The following CDC14B variants were observed in gnomAD, a reference collection of about 807,000 sequenced individuals.
CDC14B encodes cell division cycle 14B, also known as dual specificity protein phosphatase CDC14B.
Under a neutral mutation model 64.2 loss-of-function variants are expected in CDC14B, and 22 were observed. That is an observed-to-expected ratio of 0.34 (90% CI 0.24 to 0.49). The LOEUF is 0.49. Ranked by LOEUF, CDC14B falls within the 20% of genes least tolerant of loss-of-function variation. The pLI, the probability that CDC14B is intolerant of heterozygous loss-of-function variation, is 0.99. For missense variants in CDC14B, 498 were observed against 629.9 expected (o/e 0.79, Z 2.24); for synonymous variants, 191 against 215.8 (o/e 0.89, Z 1.01).
intron 6 of CDC14B, among the ~76,000 whole-genome samples, chr9:96,540,426 A>C (rs1194493377): frequency 6.6e-6 from 1 of 152,128 alleles, no homozygotes; most frequent in Non-Finnish European, 1.5e-5. Context: ...TGAGCTCAGG[A>C]GTTTGAGACC....
At chr9:96,491,093 TG>T (rs1833088071) in exon 14 of CDC14B, 1 of 152,296 alleles carries the variant, frequency 6.6e-6, no homozygotes, top group Non-Finnish European at 1.5e-5. Flanking sequence ...GGGGAGGAAG[TG>T]GGCCTAGGAG....
At position 96,523,571 on chromosome 9, in the gene CDC14B, G is replaced by A. The variant is rs1334312244; in HGVS notation, c.1085+16C>T. On this transcript the variant is annotated intron_variant, in intron 10 of 13. Coordinates refer to ENST00000375241, the MANE Select transcript of CDC14B (RefSeq NM_033331.4). ...CACATGTTCCCTGGGAACTACAGAC[G>A]TAGGCTACTACTTACATCACCAAAA... 16 of 1,613,902 alleles carry A rather than the reference G, an allele frequency of 9.9e-6. No homozygotes were observed. Among genetic ancestry groups the A allele is most frequent in the South Asian group, 1.1e-5 (1 of 91,070 alleles).
At chr9:96,535,423 G>A (rs1839146974) in intron 7 of CDC14B, among the ~76,000 whole-genome samples, 1 of 152,150 alleles carries the variant, frequency 6.6e-6, no homozygotes, top group South Asian at 2.1e-4. Context: ...AATATAAACT[G>A]ATATGTAAGA....
intron 1 of CDC14B, among the ~76,000 whole-genome samples, chr9:96,596,951 G>A (rs1338451773): frequency 6.6e-6 from 1 of 151,912 alleles, no homozygotes; most frequent in Admixed American, 6.6e-5. Flanking sequence ...GGAGAAGGAG[G>A]CAGAAAAAAT....
At chr9:96,594,258 T>C (rs140416461) in intron 1 of CDC14B, among the ~76,000 whole-genome samples, 72 of 152,114 alleles carry the variant, frequency 4.7e-4, no homozygotes, top group African/African-American at 1.6e-3. Context: ...ATTAACGACA[T>C]GGAGCTGAGT....
chr9:96,580,954 C>T (rs1170295341), intron 1 of CDC14B, among the ~76,000 whole-genome samples: 3 of 152,016 alleles, frequency 2.0e-5, no homozygotes, highest in East Asian at 3.9e-4. Context: ...GATTTAAGCT[C>T]GGTGCGGTGG....
chr9:96,615,639 G>A (rs1460053146), intron 1 of CDC14B, among the ~76,000 whole-genome samples: 1 of 152,230 alleles, frequency 6.6e-6, no homozygotes, highest in Non-Finnish European at 1.5e-5. Flanking sequence ...TTGGTGCATT[G>A]CTTGTGGGAA....
chr9:96,523,162 G>A (rs1002174264), intron 11 of CDC14B, 99 bp downstream of exon 11: 11 of 1,267,896 alleles, frequency 8.7e-6, no homozygotes, highest in Non-Finnish European at 1.2e-5. Flanking sequence ...TCATCCAAGA[G>A]CTGCTTTATT....
At chr9:96,611,564 G>C (rs1007132359) in intron 1 of CDC14B, among the ~76,000 whole-genome samples, 6 of 152,188 alleles carry the variant, frequency 3.9e-5, no homozygotes, top group Non-Finnish European at 7.3e-5. Context: ...CAGTAGCTAA[G>C]ATGGGAAGGA....
At chr9:96,577,048 T>A (rs140826813) in intron 1 of CDC14B, among the ~76,000 whole-genome samples, 1 of 151,860 alleles carries the variant, frequency 6.6e-6, no homozygotes, top group Non-Finnish European at 1.5e-5. Flanking sequence ...AGGTCAGGAG[T>A]TCGAGACCAG....
chr9:96,504,563 G>C (rs1385374978), intron 13 of CDC14B, among the ~76,000 whole-genome samples: 2 of 152,220 alleles, frequency 1.3e-5, no homozygotes, highest in African/African-American at 4.8e-5. Flanking sequence ...CAGCTAGTGA[G>C]ACAAGTGGGA....
intron 13 of CDC14B, among the ~76,000 whole-genome samples, chr9:96,508,573 T>A (rs1357014464): frequency 6.6e-6 from 1 of 152,148 alleles, no homozygotes; most frequent in African/African-American, 2.4e-5. Flanking sequence ...TAATGAAAAA[T>A]TTTAAATCCT....
chr9:96,597,657 A>C (rs1445140751), intron 1 of CDC14B, among the ~76,000 whole-genome samples: 1 of 131,722 alleles, frequency 7.6e-6, no homozygotes, highest in Non-Finnish European at 1.7e-5. Context: ...AGAGTTTATC[A>C]CTAGCAGATC....
intron 12 of CDC14B, chr9:96,514,842 T>A: frequency 1.0e-6 from 1 of 985,464 alleles, no homozygotes; most frequent in Non-Finnish European, 1.2e-6. Context: ...TACATTCTTC[T>A]GCAGAAATAA....
intron 4 of CDC14B, among the ~76,000 whole-genome samples, chr9:96,560,092 C>T (rs1842953534): frequency 6.6e-6 from 1 of 152,034 alleles, no homozygotes; most frequent in African/African-American, 2.4e-5. Flanking sequence ...TTAAGACAAC[C>T]CTGACTGAGT....
chr9:96,564,185 T>C (rs1843606556), intron 3 of CDC14B, among the ~76,000 whole-genome samples: 1 of 152,260 alleles, frequency 6.6e-6, no homozygotes, highest in East Asian at 1.9e-4. Flanking sequence ...TGGCCAACAA[T>C]TCAGTGTTTT....
chr9:96,614,444 A>C (rs1224854901), intron 1 of CDC14B, among the ~76,000 whole-genome samples: 1 of 152,130 alleles, frequency 6.6e-6, no homozygotes, highest in Non-Finnish European at 1.5e-5. Context: ...TGGCCTCCCA[A>C]AGTGCTGAGA....
chr9:96,615,662 A>G (rs1394299372), intron 1 of CDC14B, among the ~76,000 whole-genome samples: 1 of 152,240 alleles, frequency 6.6e-6, no homozygotes, highest in Non-Finnish European at 1.5e-5. Context: ...CTGGCGGCGT[A>G]GCCATTCGGA....
chr9:96,510,798 G>A (rs1189116814), intron 12 of CDC14B, among the ~76,000 whole-genome samples: 1 of 151,986 alleles, frequency 6.6e-6, no homozygotes, highest in Non-Finnish European at 1.5e-5. Flanking sequence ...TAGAGATGAG[G>A]CTTTGCCATG....
Sources: gnomAD v4.1 joint callset for allele counts (sites outside exome capture counted in the v4.1 genomes callset) on GRCh38, gnomAD v4.1.1 for gene constraint, MANE v1.5 for transcripts, NCBI Gene and HGNC (gene_info 2026-07-23, HGNC 2026-07-21) for gene names.